The following CADM2 variants were observed in gnomAD, a reference collection of about 807,000 sequenced individuals.
CADM2 encodes the protein immunoglobulin superfamily member 4D.
Under a neutral mutation model 49.8 loss-of-function variants are expected in CADM2, and 12 were observed. The observed-to-expected ratio is 0.24, with a 90% CI of 0.15 to 0.39. The LOEUF (loss-of-function observed/expected upper bound fraction) is 0.39, where lower values mean the gene tolerates loss of function less well. Among genes scored for constraint, CADM2 ranks in the 10% least tolerant of loss-of-function variants. CADM2 has a pLI of 1.00. For synonymous variants in CADM2, 214 were observed against 175.4 expected (o/e 1.22, Z -1.74); for missense variants, 378 against 492.3 (o/e 0.77, Z 2.20).
chr3:85,353,552 T>C (rs1267311234), intron 1 of CADM2, among the ~76,000 whole-genome samples: 1 of 143,752 alleles, frequency 7.0e-6, no homozygotes, highest in Non-Finnish European at 1.6e-5. Context: ...TTTTTTTTTG[T>C]TTTTTTTTTG....
At chr3:85,507,181 T>A (rs1369890513) in intron 1 of CADM2, among the ~76,000 whole-genome samples, 1 of 137,652 alleles carries the variant, frequency 7.3e-6, no homozygotes, top group East Asian at 2.0e-4. Context: ...TCACCCAGTG[T>A]ATTTTTTTTT....
chr3:85,336,365 TA>T (rs1399272756), intron 1 of CADM2, among the ~76,000 whole-genome samples: 1 of 151,580 alleles, frequency 6.6e-6, no homozygotes, highest in East Asian at 1.9e-4. Context: ...ATAGGCCAGT[TA>T]AATTATAATT....
Position 85,598,319 on chromosome 3 carries a change from G to A in CADM2, c.62-128203G>A, listed in dbSNP as rs140308171. On this transcript the variant is annotated intron_variant, in intron 1 of 9. Coordinates refer to ENST00000383699, the MANE Select transcript of CADM2 (RefSeq NM_001167675.2). ...AGCCAAACACTGGAGACCTAGAAACGTGAAGAAACCCTGAAATGTATCTAA... is the reference window on the plus strand; with the variant it reads ...AGCCAAACACTGGAGACCTAGAAACATGAAGAAACCCTGAAATGTATCTAA... Among the ~76,000 whole-genome samples, 653 of 140,020 alleles carry A rather than the reference G, an allele frequency of 4.7e-3. 4 individuals carry two copies. The highest frequency in any genetic ancestry group is 0.013 in the African/African-American group (513 of 40,806). The allele number at this position is 140,020 out of a possible 152,430, so 91.9% of individuals were successfully genotyped here. A position where few individuals can be genotyped will look rare whatever the true frequency, so the allele number is the denominator to read the frequency against.
chr3:86,051,673 C>T (rs1737356740), intron 8 of CADM2, among the ~76,000 whole-genome samples: 1 of 152,064 alleles, frequency 6.6e-6, no homozygotes, highest in African/African-American at 2.4e-5. Context: ...GGAGGAAGCC[C>T]AGGTAACTTA....
intron 1 of CADM2, among the ~76,000 whole-genome samples, chr3:85,314,988 A>G (rs763109183): frequency 6.6e-6 from 1 of 152,222 alleles, no homozygotes; most frequent in Admixed American, 6.5e-5. Flanking sequence ...ACAGTTCTGG[A>G]GGCTAGAAAT....
chr3:85,875,309 T>C (rs1388042001), intron 3 of CADM2, among the ~76,000 whole-genome samples: 7 of 152,272 alleles, frequency 4.6e-5, no homozygotes, highest in African/African-American at 1.4e-4. Context: ...TCCAATAAGA[T>C]TGTATGGAGC....
At chr3:85,171,162 C>T (rs2040615568) in intron 1 of CADM2, among the ~76,000 whole-genome samples, 1 of 152,124 alleles carries the variant, frequency 6.6e-6, no homozygotes, top group Admixed American at 6.5e-5. Flanking sequence ...TGTTATCTTT[C>T]AAACAGAATT....
intron 1 of CADM2, among the ~76,000 whole-genome samples, chr3:85,182,686 A>G (rs1166498834): frequency 2.6e-5 from 4 of 152,236 alleles, no homozygotes; most frequent in Admixed American, 6.6e-5. Flanking sequence ...AATAGTTTAT[A>G]GAACCCTATA....
chr3:84,966,319 T>C (rs2030977376), intron 1 of CADM2, among the ~76,000 whole-genome samples: 1 of 152,090 alleles, frequency 6.6e-6, no homozygotes, highest in Non-Finnish European at 1.5e-5. Context: ...TTTAAGTATG[T>C]CATTATTTTT....
At chr3:85,176,832 G>T (rs1034510727) in intron 1 of CADM2, among the ~76,000 whole-genome samples, 1 of 152,156 alleles carries the variant, frequency 6.6e-6, no homozygotes, top group African/African-American at 2.4e-5. Flanking sequence ...GAGACCAAAT[G>T]AGTATGAAGT....
chr3:85,698,162 GC>G (rs1452377356), intron 1 of CADM2, among the ~76,000 whole-genome samples: 1 of 152,130 alleles, frequency 6.6e-6, no homozygotes. Flanking sequence ...GCAGTTAACT[GC>G]TGGACAATTC....
intron 1 of CADM2, among the ~76,000 whole-genome samples, chr3:84,983,893 T>C (rs1445345145): frequency 6.6e-6 from 1 of 152,140 alleles, no homozygotes; most frequent in Admixed American, 6.6e-5. Flanking sequence ...AAATATGTTA[T>C]CTGAATATCA....
At chr3:85,710,076 G>A (rs1235158983) in intron 1 of CADM2, among the ~76,000 whole-genome samples, 3 of 152,068 alleles carry the variant, frequency 2.0e-5, no homozygotes, top group African/African-American at 7.2e-5. Context: ...ATCCACCACT[G>A]GGTCTAAAAA....
intron 2 of CADM2, among the ~76,000 whole-genome samples, chr3:85,727,631 A>G (rs2067756339): frequency 6.6e-6 from 1 of 152,164 alleles, no homozygotes; most frequent in Non-Finnish European, 1.5e-5. Flanking sequence ...TATAAGCACA[A>G]TATGTTTATA....
At chr3:85,623,445 C>A (rs761624074) in intron 1 of CADM2, among the ~76,000 whole-genome samples, 48 of 152,082 alleles carry the variant, frequency 3.2e-4, no homozygotes, top group Non-Finnish European at 5.4e-4. Flanking sequence ...GGGTCAGCAG[C>A]AATACTAGTT....
chr3:85,416,548 A>T (rs530998522), intron 1 of CADM2, among the ~76,000 whole-genome samples: 1 of 152,186 alleles, frequency 6.6e-6, no homozygotes, highest in Non-Finnish European at 1.5e-5. Context: ...TTAAATTGCC[A>T]TTTATGTTGA....
At chr3:85,551,995 A>C (rs1471690160) in intron 1 of CADM2, among the ~76,000 whole-genome samples, 1 of 125,206 alleles carries the variant, frequency 8.0e-6, no homozygotes, top group Non-Finnish European at 1.8e-5. Context: ...TACACATTAA[A>C]GATTTTATAT....
intron 1 of CADM2, among the ~76,000 whole-genome samples, chr3:85,397,151 A>T (rs2107421571): frequency 6.6e-6 from 1 of 152,310 alleles, no homozygotes; most frequent in African/African-American, 2.4e-5. Context: ...AAACACAAAA[A>T]AGATGCCCAA....
In CADM2 at chr3:85,375,779, C is replaced by T. The variant is rs115139002; in HGVS notation, c.62-350743C>T. On this transcript the variant is annotated intron_variant, in intron 1 of 9. Transcript: ENST00000383699. ...TTCATGACTTGGTTCCCAATTATTTCTCCAAATAATTATTAGCCCCTTCCC... is the reference window on the plus strand; with the variant it reads ...TTCATGACTTGGTTCCCAATTATTTTTCCAAATAATTATTAGCCCCTTCCC... Among the ~76,000 whole-genome samples, 447 of 152,238 alleles carry T rather than the reference C, an allele frequency of 2.9e-3. 3 individuals carry two copies. The highest frequency in any genetic ancestry group is 0.01 in the African/African-American group (425 of 41,546).
Sources: gnomAD v4.1 joint callset for allele counts (sites outside exome capture counted in the v4.1 genomes callset) on GRCh38, gnomAD v4.1.1 for gene constraint, MANE v1.5 for transcripts, NCBI Gene and HGNC (gene_info 2026-07-23, HGNC 2026-07-21) for gene names.